The following NRXN1 variants were observed in gnomAD, a reference collection of about 807,000 sequenced individuals.
The protein encoded by NRXN1 is neurexin-1.
NRXN1 carries 39 observed loss-of-function variants against 150.9 expected under a neutral mutation model. That is an observed-to-expected ratio of 0.26 (90% CI 0.20 to 0.34). NRXN1 has a LOEUF of 0.34. NRXN1 is among the 10% of genes least tolerant of loss of function. The probability of loss-of-function intolerance (pLI) is 1.00; values close to 1 mark genes in which losing one functional copy is unlikely to be tolerated. For missense variants in NRXN1, 1,815 were observed against 1,949.9 expected (o/e 0.93, Z 1.30); for synonymous variants, 924 against 757.0 (o/e 1.22, Z -3.62).
chr2:50,177,508 A>G (rs1453225523), intron 18 of NRXN1, among the ~76,000 whole-genome samples: 1 of 151,762 alleles, frequency 6.6e-6, no homozygotes, highest in Admixed American at 6.6e-5. Flanking sequence ...TTTTATATAA[A>G]TATAGTAAAT....
At chr2:50,100,256 C>T (rs921662260) in intron 18 of NRXN1, among the ~76,000 whole-genome samples, 4 of 152,026 alleles carry the variant, frequency 2.6e-5, no homozygotes, top group Admixed American at 6.6e-5. Flanking sequence ...CTGATGGAAG[C>T]GCTTGCCATT....
chr2:50,102,144 T>C (rs1319930063), intron 18 of NRXN1, among the ~76,000 whole-genome samples: 1 of 152,020 alleles, frequency 6.6e-6, no homozygotes, highest in East Asian at 1.9e-4. Context: ...ATGTGTGTGA[T>C]TGTGGCACAA....
chr2:50,299,476 T>C (rs6545160), intron 17 of NRXN1, among the ~76,000 whole-genome samples: 29,004 of 151,700 alleles, frequency 0.19, 3,023 homozygotes, highest in East Asian at 0.39. Flanking sequence ...CCCTGAAGAA[T>C]TGATGTATTT....
intron 18 of NRXN1, among the ~76,000 whole-genome samples, chr2:50,103,865 C>CCAAACAAACAAA (rs70946889): frequency 6.7e-5 from 10 of 150,268 alleles, no homozygotes; most frequent in African/African-American, 2.4e-4. Flanking sequence ...CAGCCATTGA[C>CCAAACAAACAAA]CAAACAAACA....
chr2:49,996,506 T>C (rs1683028638), intron 21 of NRXN1, among the ~76,000 whole-genome samples: 2 of 152,330 alleles, frequency 1.3e-5, no homozygotes, highest in South Asian at 4.1e-4. Context: ...GCAAAGTCTT[T>C]GTAGGTATAA....
chr2:50,294,078 T>C (rs930896242), intron 17 of NRXN1, among the ~76,000 whole-genome samples: 5 of 152,222 alleles, frequency 3.3e-5, no homozygotes, highest in African/African-American at 9.7e-5. Context: ...TAATCCCAGA[T>C]GACTTACTAA....
At chr2:49,995,752 G>C (rs1682837664) in intron 21 of NRXN1, among the ~76,000 whole-genome samples, 1 of 120,648 alleles carries the variant, frequency 8.3e-6, no homozygotes, top group Admixed American at 1.1e-4. Context: ...CTGCAATCCA[G>C]CCTGAGCGAC....
intron 18 of NRXN1, among the ~76,000 whole-genome samples, chr2:50,121,777 T>C (rs528680136): frequency 6.0e-4 from 92 of 152,324 alleles, no homozygotes; most frequent in African/African-American, 2.2e-3. Context: ...TACTTTGTTA[T>C]TAAGGATTAG....
intron 5 of NRXN1, among the ~76,000 whole-genome samples, chr2:50,696,674 A>G (rs1464374053): frequency 2.0e-5 from 3 of 152,168 alleles, no homozygotes; most frequent in Non-Finnish European, 4.4e-5. Flanking sequence ...CACACCCATT[A>G]AAACCAAAGC....
intron 18 of NRXN1, among the ~76,000 whole-genome samples, chr2:50,204,848 A>G (rs1004813970): frequency 6.6e-6 from 1 of 152,102 alleles, no homozygotes; most frequent in South Asian, 2.1e-4. Context: ...ATTAGTTATC[A>G]TAAAACAAGA....
At chr2:50,824,854 G>A (rs1166114503) in intron 5 of NRXN1, among the ~76,000 whole-genome samples, 1 of 152,126 alleles carries the variant, frequency 6.6e-6, no homozygotes, top group Admixed American at 6.5e-5. Context: ...TGAATAACAA[G>A]AGGGAATACT....
chr2:50,944,918 G>A (rs924726870), intron 2 of NRXN1, among the ~76,000 whole-genome samples: 1 of 152,118 alleles, frequency 6.6e-6, no homozygotes, highest in Non-Finnish European at 1.5e-5. Flanking sequence ...TTACACTGAT[G>A]GTACAAATGC....
In NRXN1 at chr2:50,923,588, A is replaced by G. The variant is rs544248939; in HGVS notation, c.791-901T>C. 26 of 166,208 alleles carry G rather than the reference A, an allele frequency of 1.6e-4. 1 individual carries two copies. In the East Asian group the frequency reaches 2.1e-3, roughly 14 times the overall value. The allele number at this position is 166,208 out of a possible 1,614,324, so 10.3% of individuals were successfully genotyped here. A position where few individuals can be genotyped will look rare whatever the true frequency, so the allele number is the denominator to read the frequency against. On this transcript the variant is annotated intron_variant, in intron 3 of 22. Coordinates refer to ENST00000401669, the MANE Select transcript of NRXN1 (RefSeq NM_001330078.2). ...CTTTCAAAAATTCTTTTGCTATTCA[A>G]GAAGTTACTTTTTACTGAAAGGCAT...
intron 18 of NRXN1, among the ~76,000 whole-genome samples, chr2:50,212,780 T>C (rs1444347553): frequency 6.6e-6 from 1 of 151,894 alleles, no homozygotes; most frequent in Non-Finnish European, 1.5e-5. Context: ...CCCTTTAACC[T>C]TTCACAGTTT....
intron 5 of NRXN1, among the ~76,000 whole-genome samples, chr2:50,687,273 A>C (rs1691377979): frequency 6.6e-6 from 1 of 152,208 alleles, no homozygotes; most frequent in Non-Finnish European, 1.5e-5. Context: ...GCTTATGCCC[A>C]TTTAAACCTA....
chr2:50,785,243 CTTTT>C (rs35158893), intron 5 of NRXN1, among the ~76,000 whole-genome samples: 2 of 106,064 alleles, frequency 1.9e-5, no homozygotes, highest in Non-Finnish European at 3.8e-5. Context: ...AGAAAATACA[CTTTT>C]TTTTTTTTTT....
chr2:50,791,700 T>A (rs539229997), intron 5 of NRXN1, among the ~76,000 whole-genome samples: 27 of 152,298 alleles, frequency 1.8e-4, no homozygotes, highest in East Asian at 1.4e-3. Flanking sequence ...TAGCCGCAAT[T>A]ATACTCCCTG....
chr2:49,995,461 C>G (rs17492942), intron 21 of NRXN1, among the ~76,000 whole-genome samples: 70,971 of 151,806 alleles, frequency 0.47, 17,237 homozygotes, highest in Middle Eastern at 0.6. Context: ...CTGTTCATAT[C>G]ATTTTCAACC....
chr2:50,616,315 T>C (rs1231052298), intron 8 of NRXN1: 1 of 152,166 alleles, frequency 6.6e-6, no homozygotes, highest in Non-Finnish European at 1.5e-5. Context: ...TATTTTGAAA[T>C]TTGATAATCA....
Sources: gnomAD v4.1 joint callset for allele counts (sites outside exome capture counted in the v4.1 genomes callset) on GRCh38, gnomAD v4.1.1 for gene constraint, MANE v1.5 for transcripts, NCBI Gene and HGNC (gene_info 2026-07-23, HGNC 2026-07-21) for gene names.